OR2M3: variants seen among roughly 807,000 people sequenced by gnomAD.
OR2M3 encodes the protein olfactory receptor 2M3.
OR2M3 carries 1 observed loss-of-function variant against 4.3 expected under a neutral mutation model. The ratio of observed to expected loss-of-function variants is 0.23; its 90% CI spans 0.08 to 1.11. The LOEUF (loss-of-function observed/expected upper bound fraction) is 1.11, where lower values mean the gene tolerates loss of function less well. Ranked by LOEUF, OR2M3 falls within the 50% of genes most tolerant of loss-of-function variation. The pLI is 0.54. For missense variants in OR2M3, 410 were observed against 390.4 expected (o/e 1.05, Z -0.42); for synonymous variants, 151 against 139.4 (o/e 1.08, Z -0.59).
chr1:248,203,622 A>C lies in OR2M3; in HGVS notation c.555A>C (p.Leu185=). ...TCTTCTGTGACTTCCCCTCCCTACT[A>C]ATCCTCTCATGCAGTGACACATCAA... is the stretch of plus-strand genomic sequence containing the variant. The part of the protein sequence containing the change: ...AHFFCDFPSL[L]ILSCSDTSIF... The change falls in exon 2 of 2, where the codon CTA becomes CTC. Residue 185 remains leucine, a synonymous_variant. Transcript: ENST00000641626. 6.2e-7 allele frequency: 1 copy of C among 1,613,602 alleles called. No individual in the cohort carries two copies. Among genetic ancestry groups the C allele is most frequent in the Non-Finnish European group, 8.5e-7 (1 of 1,179,738 alleles).
intron 1 of OR2M3, among the ~76,000 whole-genome samples, chr1:248,197,854 C>T (rs1666114064): frequency 6.6e-6 from 1 of 152,034 alleles, no homozygotes; most frequent in Admixed American, 6.6e-5. Flanking sequence ...ATAAAATTAC[C>T]TTCAGGCTAT....
In OR2M3 at chr1:248,203,341, A is replaced by G. The variant is rs1345988714; in HGVS notation, c.274A>G (p.Ile92Val). 1 of 1,614,030 alleles carries G rather than the reference A, an allele frequency of 6.2e-7. No individual in the cohort carries two copies. The highest frequency in any genetic ancestry group is 1.7e-5 in the Admixed American group (1 of 59,998). The change falls in exon 2 of 2, where the codon ATT (isoleucine) becomes GTT (valine). Residue 92 changes from isoleucine (I) to valine (V), a missense_variant. Transcript: ENST00000641626. ...CAACTACCTGTCTGGCAGCAAGTCCATTTCTATGGCTGGTTGTGCCACACA... is the reference window on the plus strand; with the variant it reads ...CAACTACCTGTCTGGCAGCAAGTCCGTTTCTATGGCTGGTTGTGCCACACA... The part of the protein sequence containing the change: ...AFNYLSGSKS[I>V]SMAGCATQIF...
rs1309847814 is a variant in OR2M3, at chr1:248,207,399, A to T, written c.*3393A>T. 1 of 151,750 alleles carries T rather than the reference A, an allele frequency of 6.6e-6. No individual in the cohort carries two copies. Among genetic ancestry groups the T allele is most frequent in the East Asian group, 1.9e-4 (1 of 5,172 alleles). 9.4% of individuals were successfully genotyped at this position (151,750 alleles called of 1,614,324 possible). The stretch of plus-strand genomic sequence containing the variant: ...CCTGTTCTGTGAGGTGCGACCTAAG[A>T]TTATCTCTTTGTGCTGTCTCAGACT... On this transcript the variant is annotated 3_prime_UTR_variant, in exon 2 of 2. Transcript: ENST00000641626.
Position 248,204,109 on chromosome 1 carries a change from T to C in OR2M3, c.*103T>C. 1 of 1,080,748 alleles carries C rather than the reference T, an allele frequency of 9.3e-7. No homozygotes were observed. Among genetic ancestry groups the C allele is most frequent in the Non-Finnish European group, 1.4e-6 (1 of 725,772 alleles). The allele number at this position is 1,080,748 out of a possible 1,614,324, so 66.9% of individuals were successfully genotyped here. The stretch of plus-strand genomic sequence containing the variant: ...AAATGGGATTCATTGTGTACATAAA[T>C]CTGCAATGACATATTTATGTGCACC... On this transcript the variant is annotated 3_prime_UTR_variant, in exon 2 of 2. Transcript: ENST00000641626.
At position 248,209,121 on chromosome 1, in the gene OR2M3, C is replaced by T. The variant is rs1227076526; in HGVS notation, c.*5115C>T. 6.6e-6 allele frequency: 1 copy of T among 152,038 alleles called. No individual in the cohort carries two copies. The highest frequency in any genetic ancestry group is 1.5e-5 in the Non-Finnish European group (1 of 68,016). The allele number at this position is 152,038 out of a possible 1,614,324, so 9.4% of individuals were successfully genotyped here. On this transcript the variant is annotated 3_prime_UTR_variant, in exon 2 of 2. Transcript: ENST00000641626. Reference sequence around the variant, plus strand: ...CGTTGGATTTTATTGGTGAGAATTTCCAGTGCATTTCACATTTCTCTAAGT... The same window carrying T: ...CGTTGGATTTTATTGGTGAGAATTTTCAGTGCATTTCACATTTCTCTAAGT...
intron 1 of OR2M3, among the ~76,000 whole-genome samples, chr1:248,199,582 A>G (rs930702951): frequency 1.2e-4 from 19 of 152,148 alleles, no homozygotes; most frequent in Admixed American, 1.2e-3. Context: ...TAAATTAAGC[A>G]CAATCTGTCA....
Position 248,204,278 on chromosome 1 carries a change from GT to G in OR2M3, c.*273del. On this transcript the variant is annotated 3_prime_UTR_variant, in exon 2 of 2. Transcript: ENST00000641626. ...ATTTCCATAGGTTTTTGGAGAACAG[GT>G]AGTGTTTGGTTTTATGAATAAGTTC... 1 of 268,308 alleles carries G rather than the reference GT, an allele frequency of 3.7e-6. No individual in the cohort carries two copies. Among genetic ancestry groups the G allele is most frequent in the South Asian group, 6.3e-5 (1 of 15,998 alleles). The allele number at this position is 268,308 out of a possible 1,614,324, so 16.6% of individuals were successfully genotyped here. A position where few individuals can be genotyped will look rare whatever the true frequency, so the allele number is the denominator to read the frequency against.
Position 248,203,163 on chromosome 1 carries a change from G to A in OR2M3, c.96G>A (p.Leu32=). The A allele has an allele frequency of 6.2e-7, 1 of 1,613,996 alleles. No individual in the cohort carries two copies. The change falls in exon 2 of 2, where the codon CTG becomes CTA. Residue 32 remains leucine (L), a synonymous_variant. Coordinates refer to ENST00000641626, the MANE Select transcript of OR2M3 (RefSeq NM_001004689.2). ...ACACCTTCCTCTTCTTTCTGGTCCT[G>A]GCCATCTTTTCAGTGGCCTTCATGG... ...PTHTFLFFLV[L]AIFSVAFMGN...
At chr1:248,198,698 A>G (rs61832687) in intron 1 of OR2M3, among the ~76,000 whole-genome samples, 4,802 of 152,172 alleles carry the variant, frequency 0.032, 118 homozygotes, top group South Asian at 0.079. Flanking sequence ...CTGTGTTACT[A>G]TTGCTCTGGC....
Position 248,211,694 on chromosome 1 carries a change from G to A in OR2M3, c.*7688G>A, listed in dbSNP as rs905361199. The A allele has an allele frequency of 6.6e-6, 1 of 151,840 alleles. No homozygotes were observed. Among genetic ancestry groups the A allele is most frequent in the African/African-American group, 2.4e-5 (1 of 41,318 alleles). 9.4% of individuals were successfully genotyped at this position (151,840 alleles called of 1,614,324 possible). ...GGCCTGCTAATCTCTCAGGGCCCAT[G>A]CGAAATCTATCTCAATCAAAAGTGC... On this transcript the variant is annotated 3_prime_UTR_variant, in exon 2 of 2. Coordinates refer to ENST00000641626, the MANE Select transcript of OR2M3 (RefSeq NM_001004689.2).
chr1:248,211,061 C>T lies in OR2M3; in HGVS notation c.*7055C>T, dbSNP rs1666276967. On this transcript the variant is annotated 3_prime_UTR_variant, in exon 2 of 2. Coordinates refer to ENST00000641626, the MANE Select transcript of OR2M3 (RefSeq NM_001004689.2). Reference sequence around the variant, plus strand: ...TTGAAGTATGCACCAAGGTAGCAAACAAATCTTCTTTTCCCAGGGTATAAA... The same window carrying T: ...TTGAAGTATGCACCAAGGTAGCAAATAAATCTTCTTTTCCCAGGGTATAAA... 1 of 152,182 alleles carries T rather than the reference C, an allele frequency of 6.6e-6. No individual in the cohort carries two copies. The highest frequency in any genetic ancestry group is 1.5e-5 in the Non-Finnish European group (1 of 68,038). 9.4% of individuals were successfully genotyped at this position (152,182 alleles called of 1,614,324 possible). A position where few individuals can be genotyped will look rare whatever the true frequency, so the allele number is the denominator to read the frequency against.
chr1:248,199,690 C>A (rs975881194), intron 1 of OR2M3, among the ~76,000 whole-genome samples: 2 of 151,918 alleles, frequency 1.3e-5, no homozygotes, highest in African/African-American at 4.8e-5. Flanking sequence ...TCACATGGAT[C>A]TTAATACTAA....
chr1:248,212,242 A>G lies in OR2M3; in HGVS notation c.*8236A>G, dbSNP rs926614534. ...CATCAAATATTTTAAATATTAATTC[A>G]TAATGCTATACATTAATGACTCTAG... is the stretch of plus-strand genomic sequence containing the variant. On this transcript the variant is annotated 3_prime_UTR_variant, in exon 2 of 2. Coordinates refer to ENST00000641626, the MANE Select transcript of OR2M3 (RefSeq NM_001004689.2). 1.3e-5 allele frequency: 2 copies of G among 152,074 alleles called. No homozygotes were observed. Among genetic ancestry groups the G allele is most frequent in the Non-Finnish European group, 1.5e-5 (1 of 67,966 alleles). 9.4% of individuals were successfully genotyped at this position (152,074 alleles called of 1,614,324 possible).
At position 248,206,412 on chromosome 1, in the gene OR2M3, T is replaced by G. The variant is rs1319149321; in HGVS notation, c.*2406T>G. 1.3e-5 allele frequency: 2 copies of G among 152,114 alleles called. No homozygotes were observed. Among genetic ancestry groups the G allele is most frequent in the Admixed American group, 1.3e-4 (2 of 15,270 alleles). The allele number at this position is 152,114 out of a possible 1,614,324, so 9.4% of individuals were successfully genotyped here. ...GGGGAATGCTTTCCAATTTTCCCCT[T>G]TCAGTATAATGTTTGCTGTGGATTT... On this transcript the variant is annotated 3_prime_UTR_variant, in exon 2 of 2. Coordinates refer to ENST00000641626, the MANE Select transcript of OR2M3 (RefSeq NM_001004689.2).
At chr1:248,197,760 A>G (rs568205664) in intron 1 of OR2M3, among the ~76,000 whole-genome samples, 1 of 152,286 alleles carries the variant, frequency 6.6e-6, no homozygotes, top group East Asian at 1.9e-4. Context: ...GAACCTTTTC[A>G]GTGCTGACAT....
Position 248,212,331 on chromosome 1 carries a change from T to C in OR2M3, c.*8325T>C, listed in dbSNP as rs1341918347. On this transcript the variant is annotated 3_prime_UTR_variant, in exon 2 of 2. Coordinates refer to ENST00000641626, the MANE Select transcript of OR2M3 (RefSeq NM_001004689.2). ...AAGAAAGAAAATATTCAATAATCCT[T>C]ATCTTTTTAACAATTAAGCAAAATG... is the stretch of plus-strand genomic sequence containing the variant. 2 of 152,038 alleles carry C rather than the reference T, an allele frequency of 1.3e-5. No individual in the cohort carries two copies. Among genetic ancestry groups the C allele is most frequent in the East Asian group, 3.8e-4 (2 of 5,202 alleles). 9.4% of individuals were successfully genotyped at this position (152,038 alleles called of 1,614,324 possible).
chr1:248,199,802 T>C (rs533291410), intron 1 of OR2M3, among the ~76,000 whole-genome samples: 1 of 152,182 alleles, frequency 6.6e-6, no homozygotes, highest in South Asian at 2.1e-4. Flanking sequence ...CAGGGCAAAC[T>C]CAATGAAGAC....
Position 248,203,613 on chromosome 1 carries a change from CT to C in OR2M3, c.547del (p.Ser183ProfsTer3). ...TAGCCCACTTCTTCTGTGACTTCCCCTCCCTACTAATCCTCTCATGCAGTGA... is the reference window on the plus strand; with the variant it reads ...TAGCCCACTTCTTCTGTGACTTCCCCCCCTACTAATCCTCTCATGCAGTGA... ...EIAHFFCDFP[S>X]LLILSCSDTS... On this transcript the variant is annotated frameshift_variant, in exon 2 of 2. Coordinates refer to ENST00000641626, the MANE Select transcript of OR2M3 (RefSeq NM_001004689.2). LOFTEE classifies it low-confidence loss of function (END_TRUNC). 1 of 1,613,822 alleles carries C rather than the reference CT, an allele frequency of 6.2e-7. No individual in the cohort carries two copies. Among genetic ancestry groups the C allele is most frequent in the South Asian group, 1.1e-5 (1 of 91,062 alleles).
chr1:248,206,150 G>A lies in OR2M3; in HGVS notation c.*2144G>A, dbSNP rs768176553. The A allele has an allele frequency of 6.6e-6, 1 of 152,086 alleles. No individual in the cohort carries two copies. Among genetic ancestry groups the A allele is most frequent in the African/African-American group, 2.4e-5 (1 of 41,522 alleles). The allele number at this position is 152,086 out of a possible 1,614,324, so 9.4% of individuals were successfully genotyped here. ...AGCTACTGATTTGTGTACATTAATTGTGTGTCCTGAAACTGTTGAATTTAT... is the reference window on the plus strand; with the variant it reads ...AGCTACTGATTTGTGTACATTAATTATGTGTCCTGAAACTGTTGAATTTAT... On this transcript the variant is annotated 3_prime_UTR_variant, in exon 2 of 2. Transcript: ENST00000641626.
Sources: allele counts gnomAD v4.1 joint callset (sites outside exome capture counted in the v4.1 genomes callset), GRCh38; gene constraint gnomAD v4.1.1; transcripts MANE v1.5; gene names NCBI Gene and HGNC (gene_info 2026-07-23, HGNC 2026-07-21).